Variants in KIAA1217 observed in about 807,000 individuals in gnomAD.
KIAA1217 encodes KIAA1217, also known as sickle tail protein homolog.
KIAA1217 carries 88 observed loss-of-function variants against 163.9 expected under a neutral mutation model. The ratio of observed to expected loss-of-function variants is 0.54; its 90% CI spans 0.45 to 0.64. The LOEUF (loss-of-function observed/expected upper bound fraction) is 0.64. Among genes scored for constraint, KIAA1217 ranks in the 30% least tolerant of loss-of-function variants. The probability of loss-of-function intolerance (pLI) is 0.00; values close to 1 mark genes in which losing one functional copy is unlikely to be tolerated. For missense variants in KIAA1217, 2,372 were observed against 2,475.0 expected, an observed-to-expected ratio of 0.96 and a Z score of 0.88; for synonymous variants, 903 against 923.1, an observed-to-expected ratio of 0.98 and a Z score of 0.39.
intron 2 of KIAA1217, among the ~76,000 whole-genome samples, chr10:24,256,994 G>A (rs539594375): frequency 6.6e-6 from 1 of 152,320 alleles, no homozygotes; most frequent in South Asian, 2.1e-4. Context: ...TTTGGACTGA[G>A]CAGAGCAAAG....
chr10:24,396,318 C>A (rs1471976345), intron 3 of KIAA1217, among the ~76,000 whole-genome samples: 1 of 151,946 alleles, frequency 6.6e-6, no homozygotes, highest in Non-Finnish European at 1.5e-5. Context: ...GCCTGGGCGA[C>A]AGAGTGAGAC....
chr10:24,468,477 A>G (rs2063176300), intron 5 of KIAA1217, among the ~76,000 whole-genome samples: 1 of 152,224 alleles, frequency 6.6e-6, no homozygotes, highest in Admixed American at 6.5e-5. Context: ...GACTTCCAAC[A>G]TCTAAGTCAC....
chr10:24,303,430 C>T (rs2041623185), intron 2 of KIAA1217, among the ~76,000 whole-genome samples: 1 of 152,176 alleles, frequency 6.6e-6, no homozygotes, highest in African/African-American at 2.4e-5. Context: ...GTAGGGACAA[C>T]AGGCCATGAC....
chr10:23,721,135 G>C (rs1314542166), intron 1 of KIAA1217, among the ~76,000 whole-genome samples: 1 of 152,072 alleles, frequency 6.6e-6, no homozygotes, highest in Admixed American at 6.6e-5. Flanking sequence ...TAAAACATTT[G>C]GGAAATTAGC....
At chr10:23,701,361 A>G (rs1308332055) in intron 1 of KIAA1217, among the ~76,000 whole-genome samples, 1 of 152,204 alleles carries the variant, frequency 6.6e-6, no homozygotes, top group African/African-American at 2.4e-5. Flanking sequence ...TGTCTTAGGG[A>G]TGCTGGAAGG....
chr10:24,002,322 A>C (rs559096464), intron 1 of KIAA1217, among the ~76,000 whole-genome samples: 5 of 152,270 alleles, frequency 3.3e-5, no homozygotes, highest in South Asian at 4.1e-4. Context: ...GAGCTCAGGC[A>C]TAGGTTGTCC....
chr10:23,889,304 C>T (rs547585119), intron 1 of KIAA1217, among the ~76,000 whole-genome samples: 2 of 151,890 alleles, frequency 1.3e-5, no homozygotes, highest in East Asian at 2.0e-4. Flanking sequence ...GCTCTTCATC[C>T]GTGGTTGGGA....
chr10:24,293,053 T>C (rs1221528098), intron 2 of KIAA1217, among the ~76,000 whole-genome samples: 1 of 152,144 alleles, frequency 6.6e-6, no homozygotes, highest in Non-Finnish European at 1.5e-5. Context: ...TTGTTTTGTT[T>C]TGTTTCTGAG....
At chr10:24,490,909 T>C (rs1342158374) in intron 6 of KIAA1217, among the ~76,000 whole-genome samples, 1 of 152,198 alleles carries the variant, frequency 6.6e-6, no homozygotes, top group Non-Finnish European at 1.5e-5. Context: ...TCCTCACAGA[T>C]ACAAAAAGGC....
chr10:24,410,692 A>G lies in KIAA1217; in HGVS notation c.554-22303A>G, dbSNP rs1340480216. ...GATTGGATAGTATTTGAGGAACTGC[A>G]GGTTAATAGCACTTTTATATGAACA... On this transcript the variant is annotated intron_variant, in intron 3 of 20. Coordinates refer to ENST00000376454, the MANE Select transcript of KIAA1217 (RefSeq NM_019590.5). 2.6e-5 allele frequency among the ~76,000 whole-genome samples: 4 copies of G among 152,342 alleles called. No homozygotes were observed. In the East Asian group the frequency reaches 7.7e-4, roughly 29 times the overall value.
rs542781318 is a variant in KIAA1217, at chr10:23,853,028, C to T, written c.-320-154197C>T. Among the ~76,000 whole-genome samples, 420 of 152,216 alleles carry T rather than the reference C, an allele frequency of 2.8e-3. 1 individual carries two copies. Among genetic ancestry groups the T allele is most frequent in the African/African-American group, 5.3e-3 (220 of 41,546 alleles). Reference sequence around the variant, plus strand: ...ATTTCCTTCTCCTGCCTAATTGCCCCGGCCAGAACTTCCAACACTATGTTG... The same window carrying T: ...ATTTCCTTCTCCTGCCTAATTGCCCTGGCCAGAACTTCCAACACTATGTTG... On this transcript the variant is annotated intron_variant, in intron 1 of 18. Coordinates refer to the KIAA1217 transcript ENST00000376462.
At chr10:23,803,824 G>T (rs570172208) in intron 1 of KIAA1217, among the ~76,000 whole-genome samples, 1 of 152,176 alleles carries the variant, frequency 6.6e-6, no homozygotes, top group South Asian at 2.1e-4. Context: ...GCATTTTGAT[G>T]AAATGACCAT....
chr10:23,947,435 A>G (rs1844106722), intron 1 of KIAA1217, among the ~76,000 whole-genome samples: 1 of 152,226 alleles, frequency 6.6e-6, no homozygotes, highest in Non-Finnish European at 1.5e-5. Context: ...CGTTATGTGC[A>G]ATCCATAGAT....
chr10:24,542,571 T>G (rs1170317712), intron 17 of KIAA1217, 122 bp from the exon 18 acceptor site: 7 of 1,534,272 alleles, frequency 4.6e-6, no homozygotes, highest in Non-Finnish European at 6.2e-6. Context: ...TGGATTGGTG[T>G]GTAAGAAATA....
Position 24,077,988 on chromosome 10 carries a change from T to C in KIAA1217, c.-171+70614T>C, listed in dbSNP as rs113745671. ...TATCGTTGTTGGCTGCATAAATGTC[T>C]TCTTTTGAGAAATGTCTGTCCATGT... On this transcript the variant is annotated intron_variant, in intron 2 of 18. Transcript: ENST00000376462. 4.2e-3 allele frequency among the ~76,000 whole-genome samples: 637 copies of C among 152,326 alleles called. 6 individuals carry two copies. Among genetic ancestry groups the C allele is most frequent in the African/African-American group, 0.014 (597 of 41,566 alleles).
chr10:24,117,920 CT>C (rs2063123771), intron 2 of KIAA1217, among the ~76,000 whole-genome samples: 1 of 151,932 alleles, frequency 6.6e-6, no homozygotes, highest in Non-Finnish European at 1.5e-5. Context: ...TAGGAATGCA[CT>C]CACAAAATGC....
chr10:24,301,914 G>A (rs1453843080), intron 2 of KIAA1217, among the ~76,000 whole-genome samples: 3 of 151,854 alleles, frequency 2.0e-5, no homozygotes, highest in Non-Finnish European at 1.5e-5. Flanking sequence ...GCGTGGTGGC[G>A]CCCGCCTATA....
intron 1 of KIAA1217, among the ~76,000 whole-genome samples, chr10:23,986,067 A>G (rs1251841377): frequency 6.6e-6 from 1 of 152,226 alleles, no homozygotes; most frequent in Non-Finnish European, 1.5e-5. Flanking sequence ...TGTTATCCCC[A>G]AAGCCTTCAA....
intron 1 of KIAA1217, among the ~76,000 whole-genome samples, chr10:23,950,802 T>C (rs1434799520): frequency 6.6e-6 from 1 of 152,208 alleles, no homozygotes; most frequent in African/African-American, 2.4e-5. Flanking sequence ...TCTGTTTCTC[T>C]CTAGTAGAAC....
Sources: allele counts gnomAD v4.1 joint callset (sites outside exome capture counted in the v4.1 genomes callset), GRCh38; gene constraint gnomAD v4.1.1; transcripts MANE v1.5; gene names NCBI Gene and HGNC (gene_info 2026-07-23, HGNC 2026-07-21).